SYNPO2: variants seen among roughly 807,000 people sequenced by gnomAD.
The protein encoded by SYNPO2 is synaptopodin-2.
Under a neutral mutation model 85.0 loss-of-function variants are expected in SYNPO2, and 56 were observed. The ratio of observed to expected loss-of-function variants is 0.66; its 90% CI spans 0.53 to 0.82. The LOEUF (loss-of-function observed/expected upper bound fraction) is 0.82, where lower values mean the gene tolerates loss of function less well. Among genes scored for constraint, SYNPO2 ranks in the 40% least tolerant of loss-of-function variants. SYNPO2 has a pLI of 0.00. For missense variants in SYNPO2, 1,575 were observed against 1,534.2 expected (o/e 1.03, Z -0.44); for synonymous variants, 602 against 591.1 (o/e 1.02, Z -0.27).
At chr4:118,851,354 G>A (rs868308201) in intron 1 of SYNPO2, among the ~76,000 whole-genome samples, 7 of 152,136 alleles carry the variant, frequency 4.6e-5, no homozygotes, top group Admixed American at 6.6e-5. Flanking sequence ...TGGCGTGGTG[G>A]TGCATGCCTA....
chr4:118,909,589 T>G (rs1044783223), intron 1 of SYNPO2, among the ~76,000 whole-genome samples: 2 of 152,242 alleles, frequency 1.3e-5, no homozygotes, highest in African/African-American at 2.4e-5. Context: ...CTCTTTTTTC[T>G]CATACATAGA....
At chr4:118,975,890 G>A (rs1228665803) in intron 1 of SYNPO2, among the ~76,000 whole-genome samples, 1 of 152,220 alleles carries the variant, frequency 6.6e-6, no homozygotes, top group African/African-American at 2.4e-5. Flanking sequence ...TCAGACACAA[G>A]TCCCATAACT....
At chr4:118,990,756 G>A (rs537567680) in intron 1 of SYNPO2, among the ~76,000 whole-genome samples, 112 of 152,156 alleles carry the variant, frequency 7.4e-4, no homozygotes, top group African/African-American at 2.6e-3. Flanking sequence ...CTACAGGTGC[G>A]TGCCACCATA....
chr4:118,858,997 T>C (rs554628418), intron 1 of SYNPO2, among the ~76,000 whole-genome samples: 2 of 152,356 alleles, frequency 1.3e-5, no homozygotes, highest in Admixed American at 1.3e-4. Context: ...GAGGGTGAAC[T>C]TGGCTTTCAA....
intron 1 of SYNPO2, among the ~76,000 whole-genome samples, chr4:118,974,118 A>G (rs1427083844): frequency 6.6e-6 from 1 of 152,222 alleles, no homozygotes; most frequent in Admixed American, 6.5e-5. Flanking sequence ...GACAATAATT[A>G]TGTTTGAGCT....
intron 1 of SYNPO2, among the ~76,000 whole-genome samples, chr4:118,963,496 G>A (rs1424509875): frequency 1.3e-5 from 2 of 152,236 alleles, no homozygotes; most frequent in African/African-American, 2.4e-5. Flanking sequence ...TTATTTTTAA[G>A]TCTTGCATCT....
chr4:118,985,795 C>T (rs1413696949), intron 1 of SYNPO2, among the ~76,000 whole-genome samples: 1 of 152,196 alleles, frequency 6.6e-6, no homozygotes, highest in East Asian at 1.9e-4. Flanking sequence ...AATTCTGTAC[C>T]ATGTCATCCA....
chr4:118,981,663 C>A (rs1736012632), intron 1 of SYNPO2, among the ~76,000 whole-genome samples: 1 of 152,110 alleles, frequency 6.6e-6, no homozygotes. Flanking sequence ...ATAAGGGGGC[C>A]AGTTCAACTC....
chr4:118,910,871 T>C (rs1733112784), intron 1 of SYNPO2, among the ~76,000 whole-genome samples: 1 of 152,178 alleles, frequency 6.6e-6, no homozygotes, highest in Non-Finnish European at 1.5e-5. Context: ...GTCCAGTTGT[T>C]TTCATGACTC....
intron 1 of SYNPO2, among the ~76,000 whole-genome samples, chr4:118,864,554 A>G (rs545870883): frequency 2.0e-4 from 30 of 152,284 alleles, no homozygotes; most frequent in Admixed American, 1.6e-3. Context: ...GTCTCCAGCT[A>G]TTGTTGTATT....
intron 3 of SYNPO2, 43 bp from the exon 4 acceptor site, chr4:119,029,802 A>C (rs759521942): frequency 1.2e-5 from 18 of 1,502,922 alleles, no homozygotes; most frequent in Non-Finnish European, 1.5e-5. Context: ...TCTTCCTTGA[A>C]CTCATCAGCT....
At chr4:118,986,208 G>C (rs1194102808) in intron 1 of SYNPO2, among the ~76,000 whole-genome samples, 2 of 152,078 alleles carry the variant, frequency 1.3e-5, no homozygotes, top group Non-Finnish European at 2.9e-5. Flanking sequence ...CTTTCTAAAA[G>C]TAATCAGCCC....
chr4:118,942,302 T>A (rs1734341823), intron 1 of SYNPO2, among the ~76,000 whole-genome samples: 2 of 152,224 alleles, frequency 1.3e-5, no homozygotes, highest in South Asian at 4.1e-4. Context: ...AAACTTGCTA[T>A]GTTGTTTCTT....
intron 1 of SYNPO2, among the ~76,000 whole-genome samples, chr4:118,876,052 G>C (rs1731900554): frequency 6.6e-6 from 1 of 152,150 alleles, no homozygotes; most frequent in East Asian, 1.9e-4. Context: ...AACCAAATTT[G>C]GTTTAAGTAT....
intron 4 of SYNPO2, chr4:119,037,264 G>A: frequency 1.4e-6 from 2 of 1,449,506 alleles, no homozygotes; most frequent in Non-Finnish European, 1.8e-6. Context: ...CTATTTCTTG[G>A]GCTCCTTAAT....
rs908557088 is a variant in SYNPO2 at position 119,004,955 on chromosome 4, A to T, written c.106-18475A>T. On this transcript the variant is annotated intron_variant, in intron 1 of 4. Coordinates refer to ENST00000307142, the MANE Select transcript of SYNPO2 (RefSeq NM_133477.3). ...GAGATGGTATCTCATTGTGGTTTTGATTTGCATTTCTCTGATGGCCAGTGA... is the reference window on the plus strand; with the variant it reads ...GAGATGGTATCTCATTGTGGTTTTGTTTTGCATTTCTCTGATGGCCAGTGA... Among the ~76,000 whole-genome samples, 311 of 151,824 alleles carry T rather than the reference A, an allele frequency of 2.0e-3. 3 individuals are homozygous for T. The highest frequency in any genetic ancestry group is 0.015 in the East Asian group (75 of 5,158).
At chr4:118,949,771 AAAATG>A (rs1734635890) in intron 1 of SYNPO2, among the ~76,000 whole-genome samples, 3 of 152,078 alleles carry the variant, frequency 2.0e-5, no homozygotes, top group Middle Eastern at 3.4e-3. Context: ...AAAATAAAAT[AAAATG>A]AAATATTCTA....
chr4:118,915,387 C>T (rs1185911178), intron 1 of SYNPO2, among the ~76,000 whole-genome samples: 2 of 151,990 alleles, frequency 1.3e-5, no homozygotes, highest in Non-Finnish European at 2.9e-5. Context: ...TTACACATTC[C>T]TAGAAAGTAG....
intron 1 of SYNPO2, among the ~76,000 whole-genome samples, chr4:118,977,118 G>A (rs1180424409): frequency 6.6e-6 from 1 of 152,232 alleles, no homozygotes; most frequent in African/African-American, 2.4e-5. Flanking sequence ...TCGTCAGGGA[G>A]GCTCGGGCCG....
Sources: gnomAD v4.1 joint callset for allele counts (sites outside exome capture counted in the v4.1 genomes callset) on GRCh38, gnomAD v4.1.1 for gene constraint, MANE v1.5 for transcripts, NCBI Gene and HGNC (gene_info 2026-07-23, HGNC 2026-07-21) for gene names.